Variants in PPP1R17 observed in about 807,000 individuals in gnomAD.
The protein encoded by PPP1R17 is protein phosphatase 1 regulatory subunit 17.
A neutral mutation model predicts 15.9 loss-of-function variants in PPP1R17; 12 were observed. The ratio of observed to expected loss-of-function variants is 0.75; its 90% CI spans 0.48 to 1.22. The LOEUF is 1.22. PPP1R17 is among the 50% of genes most tolerant of loss of function. PPP1R17 has a pLI of 0.00. For synonymous variants in PPP1R17, 63 were observed against 64.5 expected (o/e 0.98, Z 0.11); for missense variants, 211 against 187.3 (o/e 1.13, Z -0.74).
At chr7:31,704,191 A>T (rs1792972713) in intron 4 of PPP1R17, among the ~76,000 whole-genome samples, 1 of 152,218 alleles carries the variant, frequency 6.6e-6, no homozygotes, top group Non-Finnish European at 1.5e-5. Context: ...CTAGAAAGGG[A>T]TCAGGATGTC....
intron 4 of PPP1R17, among the ~76,000 whole-genome samples, chr7:31,703,703 G>A (rs374650427): frequency 2.0e-5 from 3 of 152,160 alleles, no homozygotes; most frequent in Non-Finnish European, 4.4e-5. Flanking sequence ...TTCTAATAAG[G>A]GTGTTGAGAG....
chr7:31,705,130 C>T (rs1408606430), intron 4 of PPP1R17, among the ~76,000 whole-genome samples: 1 of 152,158 alleles, frequency 6.6e-6, no homozygotes, highest in Non-Finnish European at 1.5e-5. Context: ...TTGTGGACAG[C>T]CCAGCCTACT....
intron 4 of PPP1R17, among the ~76,000 whole-genome samples, chr7:31,701,510 T>G (rs750482031): frequency 6.6e-6 from 1 of 152,138 alleles, no homozygotes; most frequent in African/African-American, 2.4e-5. Context: ...CAACAAAGGG[T>G]TTAGAATATT....
intron 4 of PPP1R17, among the ~76,000 whole-genome samples, chr7:31,698,369 C>T (rs1033186404): frequency 6.6e-6 from 1 of 152,180 alleles, no homozygotes; most frequent in African/African-American, 2.4e-5. Flanking sequence ...TTCCCACTTC[C>T]AATTACCTCT....
At chr7:31,702,299 G>T (rs1792885577) in intron 4 of PPP1R17, among the ~76,000 whole-genome samples, 1 of 151,884 alleles carries the variant, frequency 6.6e-6, no homozygotes, top group African/African-American at 2.4e-5. Flanking sequence ...TTTCAGACTT[G>T]CTAGGAAGGA....
intron 2 of PPP1R17, 148 bp downstream of exon 2, chr7:31,692,671 G>C (rs1225917321): frequency 1.5e-6 from 1 of 678,892 alleles, no homozygotes; most frequent in African/African-American, 1.8e-5. Flanking sequence ...CAGATGGGCA[G>C]GCAAATAGCC....
At chr7:31,698,153 T>C (rs976566025) in intron 4 of PPP1R17, among the ~76,000 whole-genome samples, 2 of 152,202 alleles carry the variant, frequency 1.3e-5, no homozygotes, top group African/African-American at 2.4e-5. Flanking sequence ...GGGGAGAAGA[T>C]AAAATTTGGC....
chr7:31,704,654 C>T (rs984468611), intron 4 of PPP1R17, among the ~76,000 whole-genome samples: 3 of 152,110 alleles, frequency 2.0e-5, no homozygotes, highest in African/African-American at 7.2e-5. Context: ...TGGCTGCAGC[C>T]ACAATGTAGG....
At position 31,692,493 on chromosome 7, in the gene PPP1R17, G is replaced by A. The variant is rs139310021; in HGVS notation, c.52G>A (p.Asp18Asn). The A allele has an allele frequency of 1.9e-6, 3 of 1,610,530 alleles. No homozygotes were observed. The African/African-American group carries it at 4.0e-5, about 22-fold the overall frequency. Residue 18 changes from aspartate (D) to asparagine (N), a missense_variant, in exon 2 of 5, where the codon GAC (aspartate) becomes AAC (asparagine). By Grantham distance (23) the Asp-to-Asn change is conservative (BLOSUM62 1). Coordinates refer to ENST00000342032, the MANE Select transcript of PPP1R17 (RefSeq NM_006658.5). ...ACTGGAACTCTCAGAAGACAGACTG[G>A]ACAAGCTAGACCCTCGTTGCAGCCA... ...QPLELSEDRL[D>N]KLDPRCSHLD...
intron 1 of PPP1R17, among the ~76,000 whole-genome samples, chr7:31,687,984 T>G (rs924384858): frequency 1.3e-5 from 2 of 152,196 alleles, no homozygotes; most frequent in African/African-American, 4.8e-5. Flanking sequence ...ATGGGTTGGT[T>G]TTTGTCTTGA....
chr7:31,702,300 C>T (rs1792885698), intron 4 of PPP1R17, among the ~76,000 whole-genome samples: 1 of 151,736 alleles, frequency 6.6e-6, no homozygotes, highest in South Asian at 2.1e-4. Context: ...TTCAGACTTG[C>T]TAGGAAGGAG....
At chr7:31,688,775 A>C (rs1792214328) in intron 1 of PPP1R17, among the ~76,000 whole-genome samples, 1 of 152,232 alleles carries the variant, frequency 6.6e-6, no homozygotes, top group African/African-American at 2.4e-5. Context: ...ATCCTTTCTC[A>C]AACCCTGAAA....
intron 2 of PPP1R17, among the ~76,000 whole-genome samples, chr7:31,694,168 TAAAC>T (rs1242324401): frequency 6.6e-6 from 1 of 152,140 alleles, no homozygotes; most frequent in African/African-American, 2.4e-5. Context: ...ATATGTTACT[TAAAC>T]AAAAATGCTG....
rs189766756 is a variant in PPP1R17 at position 31,698,362 on chromosome 7, C to A, written c.388+1245C>A. ...TGTTCCTCCACCTCTTCTTCTCTTCCCACTTCCAATTACCTCTATCTATCC... is the reference window on the plus strand; with the variant it reads ...TGTTCCTCCACCTCTTCTTCTCTTCACACTTCCAATTACCTCTATCTATCC... On this transcript the variant is annotated intron_variant, in intron 4 of 4. Coordinates refer to ENST00000342032, the MANE Select transcript of PPP1R17 (RefSeq NM_006658.5). Among the ~76,000 whole-genome samples, 9 of 152,290 alleles carry A rather than the reference C, an allele frequency of 5.9e-5. No individual in the cohort carries two copies. The East Asian group carries it at 1.5e-3, about 26-fold the overall frequency.
intron 1 of PPP1R17, among the ~76,000 whole-genome samples, chr7:31,689,577 G>A (rs998490250): frequency 1.1e-4 from 17 of 152,050 alleles, no homozygotes; most frequent in African/African-American, 3.4e-4. Context: ...GAATTAGACC[G>A]GCTCATGTCT....
intron 1 of PPP1R17, 97 bp from the exon 2 acceptor site, chr7:31,692,309 C>G: frequency 1.4e-6 from 1 of 704,544 alleles, no homozygotes; most frequent in Non-Finnish European, 2.4e-6. Context: ...ATTGGGAACA[C>G]AATAGCAGGT....
intron 4 of PPP1R17, among the ~76,000 whole-genome samples, chr7:31,700,506 G>A (rs1293133070): frequency 2.0e-5 from 3 of 152,180 alleles, no homozygotes; most frequent in East Asian, 1.9e-4. Context: ...AGCAACAAGC[G>A]CTGATGTAGA....
chr7:31,695,598 T>G lies in PPP1R17; in HGVS notation c.212T>G (p.Leu71Arg), dbSNP rs1410723949. 6.2e-7 allele frequency: 1 copy of G among 1,613,464 alleles called. No homozygotes were observed. Among genetic ancestry groups the G allele is most frequent in the Non-Finnish European group, 8.5e-7 (1 of 1,179,816 alleles). The change falls in exon 3 of 5, where the codon CTG becomes CGG. Residue 71 changes from leucine to arginine, a missense_variant. Physicochemically the swap from Leu to Arg is moderately radical, Grantham distance 102 (BLOSUM62 -2). Coordinates refer to ENST00000342032, the MANE Select transcript of PPP1R17 (RefSeq NM_006658.5). ...KKPRRKDTPA[L>R]HIPPFIPGVF... ...CCAAGGAGGAAAGATACACCGGCGC[T>G]GCACATCCCACCTTTCATACCAGGT...
chr7:31,689,851 T>G (rs1190695243), intron 1 of PPP1R17, among the ~76,000 whole-genome samples: 1 of 152,224 alleles, frequency 6.6e-6, no homozygotes, highest in Non-Finnish European at 1.5e-5. Context: ...TGGGATATTC[T>G]TGTAATGTAA....
Sources: gnomAD v4.1 joint callset for allele counts (sites outside exome capture counted in the v4.1 genomes callset) on GRCh38, gnomAD v4.1.1 for gene constraint, MANE v1.5 for transcripts, NCBI Gene and HGNC (gene_info 2026-07-23, HGNC 2026-07-21) for gene names.